Variants in IQGAP2 observed in about 807,000 individuals in gnomAD.
IQGAP2 encodes ras GTPase-activating-like protein IQGAP2.
IQGAP2 carries 173 observed loss-of-function variants against 201.3 expected under a neutral mutation model. The observed-to-expected ratio is 0.86, with a 90% CI of 0.76 to 0.98. The LOEUF is 0.98. IQGAP2 is among the 50% of genes least tolerant of loss of function. IQGAP2 has a pLI of 0.00. For synonymous variants in IQGAP2, 675 were observed against 673.9 expected (o/e 1.00, Z -0.03); for missense variants, 1,687 against 1,864.8 (o/e 0.90, Z 1.76).
intron 20 of IQGAP2, among the ~76,000 whole-genome samples, chr5:76,656,960 C>T (rs1442785855): frequency 6.6e-6 from 1 of 151,986 alleles, no homozygotes; most frequent in East Asian, 1.9e-4. Flanking sequence ...TCTGGAATGT[C>T]ACTGAACGCA....
chr5:76,664,477 G>A (rs1014033620), intron 21 of IQGAP2, among the ~76,000 whole-genome samples: 2 of 152,228 alleles, frequency 1.3e-5, no homozygotes, highest in African/African-American at 4.8e-5. Context: ...GAGGGCAGGA[G>A]ATCGAGACCA....
At chr5:76,566,842 GGAGCA>G (rs1157845219) in intron 3 of IQGAP2, among the ~76,000 whole-genome samples, 3 of 152,002 alleles carry the variant, frequency 2.0e-5, no homozygotes, top group Non-Finnish European at 4.4e-5. Context: ...CAAGGAGGAG[GGAGCA>G]GTCCCGTCCA....
intron 21 of IQGAP2, chr5:76,660,108 A>C (rs1162975947): frequency 6.8e-6 from 1 of 147,462 alleles, no homozygotes; most frequent in African/African-American, 2.5e-5. Context: ...ATAGAGCGCC[A>C]GCGGCCAGCA....
At chr5:76,670,060 G>A (rs996064123) in intron 23 of IQGAP2, among the ~76,000 whole-genome samples, 16 of 152,034 alleles carry the variant, frequency 1.1e-4, no homozygotes, top group Non-Finnish European at 2.1e-4. Flanking sequence ...TGACTTCAGG[G>A]GGATAGGTCC....
intron 1 of IQGAP2, among the ~76,000 whole-genome samples, chr5:76,439,048 C>G (rs552592746): frequency 2.1e-5 from 1 of 48,232 alleles, no homozygotes; most frequent in East Asian, 3.0e-4. Context: ...GCTTTGATAA[C>G]TTGTGTCATT....
chr5:76,562,434 C>T lies in IQGAP2; in HGVS notation c.185C>T (p.Thr62Ile). ...EVCLVEELPP[T>I]TELEEGLRNG... ...TGCTTAGTTGAAGAATTGCCACCAA[C>T]CACTGAATTGGAAGAAGGGCTCCGG... Residue 62 changes from threonine to isoleucine, a missense_variant, in exon 3 of 36, where the codon ACC becomes ATC. By Grantham distance (89) the Thr-to-Ile change is moderately conservative. Transcript: ENST00000274364. The T allele has an allele frequency of 1.9e-6, 3 of 1,613,710 alleles. No individual in the cohort carries two copies. Among genetic ancestry groups the T allele is most frequent in the Non-Finnish European group, 2.5e-6 (3 of 1,179,784 alleles).
At chr5:76,460,256 G>A (rs545583246) in intron 1 of IQGAP2, among the ~76,000 whole-genome samples, 14 of 152,304 alleles carry the variant, frequency 9.2e-5, no homozygotes, top group Middle Eastern at 3.4e-3. Context: ...GATGTGAAAG[G>A]CACCACCTGC....
intron 17 of IQGAP2, among the ~76,000 whole-genome samples, chr5:76,643,543 C>T (rs1751760126): frequency 6.6e-6 from 1 of 152,038 alleles, no homozygotes; most frequent in South Asian, 2.1e-4. Flanking sequence ...GATAATGACT[C>T]AGAAGGCAGA....
At chr5:76,507,043 C>T (rs1314340636) in intron 2 of IQGAP2, among the ~76,000 whole-genome samples, 4 of 152,096 alleles carry the variant, frequency 2.6e-5, no homozygotes, top group African/African-American at 9.7e-5. Flanking sequence ...GAGGCAAAGA[C>T]CCCGAATAGC....
chr5:76,666,213 G>A (rs62362982), intron 22 of IQGAP2, among the ~76,000 whole-genome samples: 1 of 152,300 alleles, frequency 6.6e-6, no homozygotes, highest in South Asian at 2.1e-4. Context: ...ACCACATGGC[G>A]GCACAGAAGG....
chr5:76,633,831 C>T (rs1750897996), intron 15 of IQGAP2, among the ~76,000 whole-genome samples: 1 of 152,114 alleles, frequency 6.6e-6, no homozygotes, highest in Non-Finnish European at 1.5e-5. Context: ...ATAATATTTT[C>T]AGAGTTCATT....
intron 13 of IQGAP2, chr5:76,616,112 C>A (rs1425541602): frequency 6.6e-6 from 1 of 152,522 alleles, no homozygotes; most frequent in Non-Finnish European, 1.5e-5. Context: ...ATACTTGGTA[C>A]TTGATTGTTC....
At chr5:76,409,283 G>T (rs2150069257) in intron 1 of IQGAP2, among the ~76,000 whole-genome samples, 1 of 108,030 alleles carries the variant, frequency 9.3e-6, no homozygotes, top group East Asian at 3.1e-4. Flanking sequence ...GTCTTGCTCT[G>T]TCACCCAGGC....
chr5:76,588,874 A>T, intron 5 of IQGAP2, 32 bp from the exon 6 acceptor site: 1 of 1,347,930 alleles, frequency 7.4e-7, no homozygotes, highest in Non-Finnish European at 1.1e-6. Flanking sequence ...TGATGATAAA[A>T]TTTCTGATAA....
intron 1 of IQGAP2, among the ~76,000 whole-genome samples, chr5:76,454,899 A>T: frequency 6.6e-6 from 1 of 152,234 alleles, no homozygotes; most frequent in East Asian, 1.9e-4. Context: ...ACTAGTTTAC[A>T]GTCCCACCAA....
intron 2 of IQGAP2, among the ~76,000 whole-genome samples, chr5:76,482,749 T>C (rs1051227670): frequency 1.3e-5 from 2 of 152,218 alleles, no homozygotes; most frequent in Non-Finnish European, 2.9e-5. Flanking sequence ...ATTATCCAAA[T>C]AAAATTATCA....
At chr5:76,661,574 G>GAA (rs1743249937) in intron 21 of IQGAP2, among the ~76,000 whole-genome samples, 1 of 152,108 alleles carries the variant, frequency 6.6e-6, no homozygotes, top group Non-Finnish European at 1.5e-5. Flanking sequence ...CTACTTCACT[G>GAA]CTTATATTAA....
chr5:76,596,708 G>A (rs1283308109), intron 9 of IQGAP2, among the ~76,000 whole-genome samples: 2 of 152,260 alleles, frequency 1.3e-5, no homozygotes, highest in East Asian at 1.9e-4. Context: ...AGGGGGAAGC[G>A]TTACACACTT....
chr5:76,553,166 C>A (rs954189699), intron 2 of IQGAP2, among the ~76,000 whole-genome samples: 1 of 152,066 alleles, frequency 6.6e-6, no homozygotes, highest in Non-Finnish European at 1.5e-5. Context: ...AAAAGTTTTG[C>A]CATGAGAACT....
Sources: gnomAD v4.1 joint callset for allele counts (sites outside exome capture counted in the v4.1 genomes callset) on GRCh38, gnomAD v4.1.1 for gene constraint, MANE v1.5 for transcripts, NCBI Gene and HGNC (gene_info 2026-07-23, HGNC 2026-07-21) for gene names.